Variants in CTNNA3 observed in about 807,000 individuals in gnomAD.
CTNNA3 encodes catenin alpha-3.
CTNNA3 carries 76 observed loss-of-function variants against 95.7 expected under a neutral mutation model. The ratio of observed to expected loss-of-function variants is 0.79; its 90% CI spans 0.66 to 0.96. The LOEUF (loss-of-function observed/expected upper bound fraction) is 0.96. Ranked by LOEUF, CTNNA3 falls within the 40% of genes least tolerant of loss-of-function variation. The pLI is 0.00. For missense variants in CTNNA3, 1,191 were observed against 1,089.8 expected (o/e 1.09, Z -1.31); for synonymous variants, 431 against 374.4 (o/e 1.15, Z -1.74).
intron 7 of CTNNA3, among the ~76,000 whole-genome samples, chr10:66,868,104 C>A (rs1303738301): frequency 6.6e-6 from 1 of 150,416 alleles, no homozygotes; most frequent in Non-Finnish European, 1.5e-5. Context: ...TGCCTGTAAT[C>A]CCAGCACTTT....
chr10:66,045,088 T>C (rs1007850509), intron 15 of CTNNA3, among the ~76,000 whole-genome samples: 45 of 152,240 alleles, frequency 3.0e-4, no homozygotes, highest in African/African-American at 1.0e-3. Flanking sequence ...CTTTTATATA[T>C]GCCAGGGAAG....
chr10:66,188,193 A>G (rs910282227), intron 13 of CTNNA3, among the ~76,000 whole-genome samples: 1 of 152,194 alleles, frequency 6.6e-6, no homozygotes, highest in African/African-American at 2.4e-5. Flanking sequence ...ACCTGACAAC[A>G]GAAGTAAAAA....
At chr10:66,406,742 G>A (rs1184938495) in intron 11 of CTNNA3, among the ~76,000 whole-genome samples, 2 of 151,982 alleles carry the variant, frequency 1.3e-5, no homozygotes, top group East Asian at 3.9e-4. Context: ...GATTACATCT[G>A]GACAATTCAA....
intron 7 of CTNNA3, among the ~76,000 whole-genome samples, chr10:66,850,492 T>C (rs915294604): frequency 2.6e-5 from 4 of 152,172 alleles, no homozygotes; most frequent in African/African-American, 7.2e-5. Context: ...TGCTATTCTA[T>C]ATGCCTTAAT....
chr10:67,741,690 C>T (rs1156267253), intron 1 of CTNNA3, among the ~76,000 whole-genome samples: 1 of 151,114 alleles, frequency 6.6e-6, no homozygotes, highest in Non-Finnish European at 1.5e-5. Flanking sequence ...CTAAATGCTC[C>T]AATTAAAAGA....
chr10:67,564,180 A>G (rs1841657044), intron 3 of CTNNA3, among the ~76,000 whole-genome samples: 2 of 149,858 alleles, frequency 1.3e-5, no homozygotes, highest in Admixed American at 6.7e-5. Flanking sequence ...GCTTCTATAA[A>G]GACACATGCA....
intron 7 of CTNNA3, among the ~76,000 whole-genome samples, chr10:67,166,027 A>G (rs1157281287): frequency 2.0e-5 from 3 of 152,186 alleles, no homozygotes; most frequent in Admixed American, 1.3e-4. Context: ...TTTTCTTTGC[A>G]TATTCCTTTT....
At position 67,063,593 on chromosome 10, in the gene CTNNA3, T is replaced by C. The variant is rs72804700; in HGVS notation, c.1047+116724A>G. ...CCAATGAAAGGTTGGGACCAGTGAA[T>C]ATCTGCCTTAGTTTTAGATAATGCA... On this transcript the variant is annotated intron_variant, in intron 7 of 17. Coordinates refer to ENST00000433211, the MANE Select transcript of CTNNA3 (RefSeq NM_013266.4). Among the ~76,000 whole-genome samples the C allele has an allele frequency of 5.1e-3, 779 of 152,338 alleles. 6 individuals are homozygous for C. Among genetic ancestry groups the C allele is most frequent in the Non-Finnish European group, 4.2e-3 (285 of 68,022 alleles).
chr10:67,663,892 C>G (rs1273859944), intron 1 of CTNNA3, among the ~76,000 whole-genome samples: 2 of 152,094 alleles, frequency 1.3e-5, no homozygotes, highest in Non-Finnish European at 2.9e-5. Flanking sequence ...GCCCAGAGTC[C>G]AGAATCTTCA....
intron 13 of CTNNA3, among the ~76,000 whole-genome samples, chr10:66,235,070 G>A (rs1287127091): frequency 2.0e-5 from 3 of 152,190 alleles, no homozygotes; most frequent in African/African-American, 7.2e-5. Context: ...CGCTTGTTGA[G>A]CCTTCAGATA....
At chr10:66,312,423 T>C (rs1427509132) in intron 12 of CTNNA3, among the ~76,000 whole-genome samples, 2 of 152,084 alleles carry the variant, frequency 1.3e-5, no homozygotes, top group African/African-American at 2.4e-5. Flanking sequence ...CAAATGTGTG[T>C]TTTTGTGTGT....
At chr10:66,447,009 C>G (rs867081515) in intron 11 of CTNNA3, among the ~76,000 whole-genome samples, 5,503 of 151,690 alleles carry the variant, frequency 0.036, 320 homozygotes, top group African/African-American at 0.13. Flanking sequence ...GCAAAAATCA[C>G]AAGCATTCTT....
chr10:67,110,914 C>T (rs1233232273), intron 7 of CTNNA3, among the ~76,000 whole-genome samples: 1 of 152,086 alleles, frequency 6.6e-6, no homozygotes, highest in Non-Finnish European at 1.5e-5. Context: ...GGAGGTAAGA[C>T]TTAACCTAAA....
intron 10 of CTNNA3, among the ~76,000 whole-genome samples, chr10:66,535,504 G>A (rs1841619956): frequency 6.6e-6 from 1 of 152,140 alleles, no homozygotes; most frequent in Non-Finnish European, 1.5e-5. Context: ...ATTATCTCCG[G>A]GGAAATATAG....
rs1847041675 is a variant in CTNNA3 at position 66,680,831 on chromosome 10, A to AAAGCATACC, written c.1282-59048_1282-59047insGGTATGCTT. On this transcript the variant is annotated intron_variant, in intron 9 of 17. Coordinates refer to ENST00000433211, the MANE Select transcript of CTNNA3 (RefSeq NM_013266.4). ...CAAGGTAAGAATGAGCTTGGTATGC[A>AAAGCATACC]AAGAAATATAAGCAATTTAGCATGG... 3.3e-5 allele frequency among the ~76,000 whole-genome samples: 5 copies of AAAGCATACC among 152,200 alleles called. No individual in the cohort carries two copies. The South Asian group carries it at 1.0e-3, about 32-fold the overall frequency.
At chr10:66,040,486 T>C (rs2079663158) in intron 15 of CTNNA3, among the ~76,000 whole-genome samples, 1 of 151,748 alleles carries the variant, frequency 6.6e-6, no homozygotes, top group Non-Finnish European at 1.5e-5. Context: ...TAAATGCCCA[T>C]CAATGGTATA....
At chr10:66,715,855 T>C (rs1445392321) in intron 9 of CTNNA3, among the ~76,000 whole-genome samples, 1 of 152,020 alleles carries the variant, frequency 6.6e-6, no homozygotes, top group Non-Finnish European at 1.5e-5. Context: ...TAAAATGAAA[T>C]TGTATTGAAG....
At chr10:67,530,363 G>A (rs997467367) in intron 4 of CTNNA3, among the ~76,000 whole-genome samples, 4 of 152,188 alleles carry the variant, frequency 2.6e-5, no homozygotes, top group East Asian at 1.9e-4. Flanking sequence ...AAGCATATGC[G>A]CAATAAAGCC....
At chr10:66,805,282 T>A (rs1205654745) in intron 7 of CTNNA3, among the ~76,000 whole-genome samples, 1 of 151,920 alleles carries the variant, frequency 6.6e-6, no homozygotes, top group African/African-American at 2.4e-5. Flanking sequence ...TACAACTATA[T>A]GCTGAGTCCT....
Sources: allele counts gnomAD v4.1 joint callset (sites outside exome capture counted in the v4.1 genomes callset), GRCh38; gene constraint gnomAD v4.1.1; transcripts MANE v1.5; gene names NCBI Gene and HGNC (gene_info 2026-07-23, HGNC 2026-07-21).